BDKRB2: variants seen among roughly 807,000 people sequenced by gnomAD.
BDKRB2 encodes B2 bradykinin receptor.
BDKRB2 carries 6 observed loss-of-function variants against 4.0 expected under a neutral mutation model. That is an observed-to-expected ratio of 1.49 (90% CI 0.81 to 2.93). BDKRB2 has a LOEUF of 2.93. Among genes scored for constraint, BDKRB2 ranks in the 30% most tolerant of loss-of-function variants. BDKRB2 has a pLI of 0.00. For missense variants in BDKRB2, 478 were observed against 520.1 expected (o/e 0.92, Z 0.79); for synonymous variants, 225 against 215.3 (o/e 1.05, Z -0.40).
At chr14:96,215,000 C>CT (rs999219238) in intron 1 of BDKRB2, among the ~76,000 whole-genome samples, 1 of 152,080 alleles carries the variant, frequency 6.6e-6, no homozygotes, top group Non-Finnish European at 1.5e-5. Flanking sequence ...GGCTGATTAT[C>CT]TTTTTTACGT....
chr14:96,217,661 TG>T (rs34250909), intron 1 of BDKRB2, among the ~76,000 whole-genome samples: 1 of 152,100 alleles, frequency 6.6e-6, no homozygotes, highest in African/African-American at 2.4e-5. Context: ...AGTGGGGGGC[TG>T]GGGGTCTATC....
chr14:96,213,473 G>C (rs534350777), intron 1 of BDKRB2, among the ~76,000 whole-genome samples: 1 of 147,466 alleles, frequency 6.8e-6, no homozygotes, highest in African/African-American at 2.5e-5. Context: ...CTTCTTCCTG[G>C]GCCTCTGTCT....
chr14:96,212,265 A>C (rs1890319717), intron 1 of BDKRB2, among the ~76,000 whole-genome samples: 1 of 152,272 alleles, frequency 6.6e-6, no homozygotes. Flanking sequence ...CAGATCATCA[A>C]AACTGAAATT....
chr14:96,225,957 CA>C lies in BDKRB2; in HGVS notation c.-39-11111del, dbSNP rs549810479. Among the ~76,000 whole-genome samples, 4 of 152,290 alleles carry C rather than the reference CA, an allele frequency of 2.6e-5. No individual in the cohort carries two copies. In the East Asian group the frequency reaches 7.7e-4, roughly 29 times the overall value. On this transcript the variant is annotated intron_variant, in intron 1 of 2. Coordinates refer to ENST00000554311, the MANE Select transcript of BDKRB2 (RefSeq NM_001379692.1). ...CCATCCCCAGGACACCGGAGACCAC[CA>C]GGGGGCTGGAGAGGCTGCGGGAGAA...
chr14:96,227,711 A>G (rs1890731880), intron 1 of BDKRB2, among the ~76,000 whole-genome samples: 1 of 152,052 alleles, frequency 6.6e-6, no homozygotes, highest in African/African-American at 2.4e-5. Flanking sequence ...ACACACACAA[A>G]TGCACACACA....
intron 1 of BDKRB2, among the ~76,000 whole-genome samples, chr14:96,229,022 G>A (rs1209094688): frequency 6.6e-6 from 1 of 152,134 alleles, no homozygotes; most frequent in African/African-American, 2.4e-5. Context: ...GAACAGGTGG[G>A]GCACACTGTG....
intron 1 of BDKRB2, among the ~76,000 whole-genome samples, chr14:96,213,621 G>A (rs1039247576): frequency 3.9e-5 from 6 of 152,154 alleles, no homozygotes; most frequent in Admixed American, 1.3e-4. Flanking sequence ...GTCATTGTGG[G>A]CAGGTTTCAA....
At chr14:96,222,151 C>T (rs1456711759) in intron 1 of BDKRB2, among the ~76,000 whole-genome samples, 1 of 152,064 alleles carries the variant, frequency 6.6e-6, no homozygotes, top group Admixed American at 6.5e-5. Flanking sequence ...ACTTACATTA[C>T]TGACTTATAA....
At chr14:96,211,855 A>T (rs1368064353) in intron 1 of BDKRB2, among the ~76,000 whole-genome samples, 1 of 152,202 alleles carries the variant, frequency 6.6e-6, no homozygotes, top group Non-Finnish European at 1.5e-5. Context: ...AGGCCGGTGC[A>T]TTACAGGGCA....
chr14:96,224,345 A>G (rs1890647526), intron 1 of BDKRB2, among the ~76,000 whole-genome samples: 1 of 152,212 alleles, frequency 6.6e-6, no homozygotes, highest in Admixed American at 6.5e-5. Context: ...GCTTATGTTC[A>G]AATCTCAACT....
chr14:96,229,768 C>T (rs1458370751), intron 1 of BDKRB2, among the ~76,000 whole-genome samples: 1 of 151,960 alleles, frequency 6.6e-6, no homozygotes, highest in African/African-American at 2.4e-5. Context: ...AGAAGAGGTC[C>T]TTGGAGATCA....
At chr14:96,240,209 G>T (rs1885236663) in intron 2 of BDKRB2, 194 bp from the exon 3 acceptor site, 1 of 1,297,520 alleles carries the variant, frequency 7.7e-7, no homozygotes, top group Non-Finnish European at 9.8e-7. Flanking sequence ...TTAGATCCAA[G>T]GATCAGAGGG....
chr14:96,205,315 G>C (rs893954709), intron 1 of BDKRB2, among the ~76,000 whole-genome samples: 1 of 152,154 alleles, frequency 6.6e-6, no homozygotes, highest in African/African-American at 2.4e-5. Context: ...AGCAGGGACG[G>C]GTGCTGGGTG....
intron 1 of BDKRB2, among the ~76,000 whole-genome samples, chr14:96,221,943 G>A (rs1387855391): frequency 1.3e-5 from 2 of 151,984 alleles, no homozygotes; most frequent in African/African-American, 4.8e-5. Flanking sequence ...TTACAATTCC[G>A]TTCAGTTCTG....
intron 1 of BDKRB2, among the ~76,000 whole-genome samples, chr14:96,209,805 G>A (rs912091047): frequency 1.3e-5 from 2 of 152,274 alleles, no homozygotes; most frequent in Non-Finnish European, 2.9e-5. Context: ...AGACCAGCCT[G>A]TCCAACATGG....
At position 96,237,181 on chromosome 14, in the gene BDKRB2, G is replaced by A; in HGVS notation, c.74G>A (p.Ser25Asn). The A allele has an allele frequency of 6.2e-7, 1 of 1,612,516 alleles. No homozygotes were observed. Among genetic ancestry groups the A allele is most frequent in the Non-Finnish European group, 8.5e-7 (1 of 1,178,492 alleles). Residue 25 changes from serine to asparagine, a missense_variant and splice_region_variant, in exon 2 of 3, where the codon AGC becomes AAC. Transcript: ENST00000554311. ...TCCGTGCCCACCACGGCCTCTTTCAGGTGAGTCAAAGGGATTCCTCAGTTC... is the reference window on the plus strand; with the variant it reads ...TCCGTGCCCACCACGGCCTCTTTCAAGTGAGTCAAAGGGATTCCTCAGTTC... ...EDSVPTTASFSADMLNVTLQG... is the reference protein window; with the variant it reads ...EDSVPTTASFNADMLNVTLQG...
intron 1 of BDKRB2, chr14:96,223,111 T>C: frequency 8.0e-7 from 1 of 1,252,468 alleles, no homozygotes; most frequent in South Asian, 1.2e-5. Context: ...AGCGATCATG[T>C]CACACAAACA....
In BDKRB2 at chr14:96,243,334, C is replaced by T. The variant is rs201674904; in HGVS notation, c.*1830C>T. 6.9e-6 allele frequency: 1 copy of T among 144,264 alleles called. No individual in the cohort carries two copies. The highest frequency in any genetic ancestry group is 1.5e-5 in the Non-Finnish European group (1 of 66,288). The allele number at this position is 144,264 out of a possible 1,614,324, so 8.9% of individuals were successfully genotyped here. ...CCTGGAGGGCTAGAACCTAGAAGGG[C>T]TAGAACCTGGAGGGCTGGAATCTGG... On this transcript the variant is annotated 3_prime_UTR_variant, in exon 3 of 3. Transcript: ENST00000554311.
At chr14:96,218,577 C>T (rs1890480995) in intron 1 of BDKRB2, among the ~76,000 whole-genome samples, 1 of 152,184 alleles carries the variant, frequency 6.6e-6, no homozygotes, top group African/African-American at 2.4e-5. Flanking sequence ...TGCTCTGCCA[C>T]TGACTCGCTG....
Sources: gnomAD v4.1 joint callset for allele counts (sites outside exome capture counted in the v4.1 genomes callset) on GRCh38, gnomAD v4.1.1 for gene constraint, MANE v1.5 for transcripts, NCBI Gene and HGNC (gene_info 2026-07-23, HGNC 2026-07-21) for gene names.